Variants in DCDC2C observed in about 807,000 individuals in gnomAD.
The protein encoded by DCDC2C is doublecortin domain-containing protein 2C.
In DCDC2C, 44 loss-of-function variants were observed where a neutral mutation model predicts 45.0. The ratio of observed to expected loss-of-function variants is 0.98; its 90% CI spans 0.77 to 1.26. DCDC2C has a LOEUF of 1.26. Among genes scored for constraint, DCDC2C ranks in the 50% most tolerant of loss-of-function variants. DCDC2C has a pLI of 0.00. For synonymous variants in DCDC2C, 187 were observed against 178.8 expected (o/e 1.05, Z -0.37); for missense variants, 447 against 468.9 (o/e 0.95, Z 0.43).
Position 3,761,205 on chromosome 2 carries a change from A to G in DCDC2C, c.727-6549A>G, listed in dbSNP as rs1368235816. 4.6e-5 allele frequency among the ~76,000 whole-genome samples: 7 copies of G among 152,370 alleles called. No homozygotes were observed. The highest frequency in any genetic ancestry group is 3.4e-3 in the Middle Eastern group (1 of 294). On this transcript the variant is annotated intron_variant, in intron 6 of 10. Coordinates refer to ENST00000399143, the MANE Select transcript of DCDC2C (RefSeq NM_001287444.2). The surrounding 1 kb of genome is among the most constrained non-coding windows in gnomAD (Gnocchi z 4.3). ...AAAATTGCATTCACATATTAAAATGAATGTTTTATGGTTCAGGCTTCTGTG... is the reference window on the plus strand; with the variant it reads ...AAAATTGCATTCACATATTAAAATGGATGTTTTATGGTTCAGGCTTCTGTG...
chr2:3,771,980 T>A (rs931899751), intron 8 of DCDC2C, among the ~76,000 whole-genome samples: 1 of 152,254 alleles, frequency 6.6e-6, no homozygotes, highest in African/African-American at 2.4e-5. Context: ...TACTGTCTCC[T>A]GTTTTTGAGT....
intron 10 of DCDC2C, among the ~76,000 whole-genome samples, chr2:3,793,367 C>A (rs182448365): frequency 6.6e-6 from 1 of 152,214 alleles, no homozygotes; most frequent in African/African-American, 2.4e-5. Flanking sequence ...CCTTCTGCAT[C>A]GGAAGCCTGT....
chr2:3,741,412 T>C (rs1476268412), intron 3 of DCDC2C, among the ~76,000 whole-genome samples: 2 of 152,220 alleles, frequency 1.3e-5, no homozygotes, highest in Non-Finnish European at 2.9e-5. Flanking sequence ...TCTATTAATC[T>C]GGGCATTTTA....
intron 3 of DCDC2C, among the ~76,000 whole-genome samples, chr2:3,736,226 G>A (rs1031772248): frequency 6.6e-6 from 1 of 152,300 alleles, no homozygotes; most frequent in Admixed American, 6.5e-5. Flanking sequence ...TCCAGGAGAA[G>A]ATCCTTTCCT....
Position 3,767,800 on chromosome 2 carries a change from C to T in DCDC2C, c.773C>T (p.Pro258Leu). ...KEPCKYDGIPPKTQDSVYYAK... is the reference protein window; with the variant it reads ...KEPCKYDGIPLKTQDSVYYAK... Reference sequence around the variant, plus strand: ...CCTTGTAAATATGATGGCATACCCCCTAAAACACAGGATTCTGTTTATTAT... The same window carrying T: ...CCTTGTAAATATGATGGCATACCCCTTAAAACACAGGATTCTGTTTATTAT... Residue 258 changes from proline (P) to leucine (L), a missense_variant, in exon 7 of 11, where the codon CCT (proline) becomes CTT (leucine). By Grantham distance (98) the Pro-to-Leu change is moderately conservative. Coordinates refer to ENST00000399143, the MANE Select transcript of DCDC2C (RefSeq NM_001287444.2). The T allele has an allele frequency of 6.5e-7, 1 of 1,549,942 alleles. No homozygotes were observed. The highest frequency in any genetic ancestry group is 8.7e-7 in the Non-Finnish European group (1 of 1,146,792).
At chr2:3,796,341 C>T (rs1670951942) in intron 10 of DCDC2C, among the ~76,000 whole-genome samples, 1 of 108,670 alleles carries the variant, frequency 9.2e-6, no homozygotes, top group African/African-American at 4.0e-5. Context: ...TCTTCTTTTC[C>T]TAACTGAATA....
chr2:3,784,838 G>T (rs1171515090), intron 9 of DCDC2C, among the ~76,000 whole-genome samples: 1 of 152,114 alleles, frequency 6.6e-6, no homozygotes, highest in African/African-American at 2.4e-5. Flanking sequence ...TAAAAACAAA[G>T]AATTTAGAAT....
intron 10 of DCDC2C, among the ~76,000 whole-genome samples, chr2:3,793,555 A>G (rs1227092794): frequency 6.6e-6 from 1 of 152,238 alleles, no homozygotes; most frequent in East Asian, 1.9e-4. Context: ...ACACCACTGG[A>G]AATTATTCCT....
At chr2:3,810,534 T>G (rs1671369288) in intron 10 of DCDC2C, among the ~76,000 whole-genome samples, 1 of 152,256 alleles carries the variant, frequency 6.6e-6, no homozygotes, top group Non-Finnish European at 1.5e-5. Context: ...TTCTGTAGGT[T>G]GCCTGTGCAC....
chr2:3,740,150 T>C (rs554968081), intron 3 of DCDC2C, among the ~76,000 whole-genome samples: 41 of 152,384 alleles, frequency 2.7e-4, no homozygotes, highest in African/African-American at 9.6e-4. Flanking sequence ...CCTGTAGATA[T>C]AAATTCTGCA....
At chr2:3,798,866 G>T (rs565567457) in intron 10 of DCDC2C, among the ~76,000 whole-genome samples, 122 of 152,118 alleles carry the variant, frequency 8.0e-4, no homozygotes, top group African/African-American at 2.8e-3. Context: ...TGCTCTTCTT[G>T]AGGAGTATCT....
At chr2:3,806,957 T>C (rs1671265593) in intron 10 of DCDC2C, among the ~76,000 whole-genome samples, 1 of 152,188 alleles carries the variant, frequency 6.6e-6, no homozygotes, top group Non-Finnish European at 1.5e-5. Context: ...GGTGAATTCC[T>C]GGACTGCGTT....
intron 10 of DCDC2C, among the ~76,000 whole-genome samples, chr2:3,829,284 C>CTTTTTTTTTTT (rs5828893): frequency 7.7e-6 from 1 of 129,590 alleles, no homozygotes; most frequent in African/African-American, 2.9e-5. Context: ...ATGTCTTTTT[C>CTTTTTTTTTTT]TTTTTTTTTT....
At chr2:3,725,454 G>T (rs1395320432) in intron 2 of DCDC2C, among the ~76,000 whole-genome samples, 20 of 100,572 alleles carry the variant, frequency 2.0e-4, no homozygotes, top group Non-Finnish European at 2.9e-4. Flanking sequence ...GAGCAGAGAG[G>T]GAGGAGGCTG....
intron 7 of DCDC2C, 168 bp from the exon 8 acceptor site, chr2:3,769,143 C>CGAGAGGGAAACGGGGT (rs1670092600): frequency 1.7e-6 from 1 of 598,050 alleles, no homozygotes; most frequent in African/African-American, 1.9e-5. Context: ...ACAGGAAGGG[C>CGAGAGGGAAACGGGGT]GAGAGGGAAA....
rs1472923441 is a variant in DCDC2C, at chr2:3,818,996, C to A, written c.1066-28158C>A. ...GTTTAGAAGCCTGGCTGTCAATAGC[C>A]ACAACAGCTATGGAAGCAAGGGAAA... On this transcript the variant is annotated intron_variant, in intron 10 of 10. Coordinates refer to ENST00000399143, the MANE Select transcript of DCDC2C (RefSeq NM_001287444.2). This position sits in a 1 kb window ranked among gnomAD's most constrained non-coding sequence, Gnocchi z 4.7. Among the ~76,000 whole-genome samples the A allele has an allele frequency of 6.6e-6, 1 of 152,066 alleles. No individual in the cohort carries two copies. Among genetic ancestry groups the A allele is most frequent in the Non-Finnish European group, 1.5e-5 (1 of 68,032 alleles).
chr2:3,771,604 G>T (rs894170481), intron 8 of DCDC2C, among the ~76,000 whole-genome samples: 1 of 152,256 alleles, frequency 6.6e-6, no homozygotes, highest in South Asian at 2.1e-4. Flanking sequence ...ATGACACACA[G>T]TTGAGACCTT....
chr2:3,799,220 A>G (rs949587389), intron 10 of DCDC2C, among the ~76,000 whole-genome samples: 1 of 152,142 alleles, frequency 6.6e-6, no homozygotes, highest in South Asian at 2.1e-4. Flanking sequence ...TTTCAGCTCC[A>G]TCAGCTCCTT....
At chr2:3,733,147 G>A (rs1459042255) in intron 3 of DCDC2C, among the ~76,000 whole-genome samples, 1 of 152,146 alleles carries the variant, frequency 6.6e-6, no homozygotes, top group Non-Finnish European at 1.5e-5. Context: ...GGACATATTG[G>A]GGACATATTG....
Sources: allele counts gnomAD v4.1 joint callset (sites outside exome capture counted in the v4.1 genomes callset), GRCh38; gene constraint gnomAD v4.1.1; non-coding constraint Gnocchi (gnomAD v3.1); transcripts MANE v1.5; gene names NCBI Gene and HGNC (gene_info 2026-07-23, HGNC 2026-07-21).